DLGAP2: variants seen among roughly 807,000 people sequenced by gnomAD.
The protein encoded by DLGAP2 is DLG associated protein 2, also known as disks large-associated protein 2.
A neutral mutation model predicts 100.3 loss-of-function variants in DLGAP2; 26 were observed. The observed-to-expected ratio is 0.26, with a 90% confidence interval of 0.19 to 0.36. The LOEUF (loss-of-function observed/expected upper bound fraction) is 0.36, where lower values mean the gene tolerates loss of function less well. Ranked by LOEUF, DLGAP2 falls within the 10% of genes least tolerant of loss-of-function variation. The probability of loss-of-function intolerance (pLI) is 1.00; values close to 1 mark genes in which losing one functional copy is unlikely to be tolerated. For synonymous variants in DLGAP2, 886 were observed against 630.1 expected, an observed-to-expected ratio of 1.41 and a Z score of -6.08; for missense variants, 1,858 against 1,453.2, an observed-to-expected ratio of 1.28 and a Z score of -4.53.
At chr8:746,720 A>G (rs959233305) in intron 1 of DLGAP2, among the ~76,000 whole-genome samples, 14 of 152,228 alleles carry the variant, frequency 9.2e-5, no homozygotes, top group African/African-American at 3.4e-4. Context: ...GCTGCATATA[A>G]TAGAAAGTCC....
chr8:1,478,328 G>C (rs1177459630), intron 3 of DLGAP2, among the ~76,000 whole-genome samples: 1 of 152,168 alleles, frequency 6.6e-6, no homozygotes, highest in Non-Finnish European at 1.5e-5. Context: ...CAGGCATGAA[G>C]GAACATGAGC....
intron 1 of DLGAP2, among the ~76,000 whole-genome samples, chr8:868,941 A>C (rs1338566962): frequency 6.6e-6 from 1 of 152,180 alleles, no homozygotes; most frequent in East Asian, 1.9e-4. Flanking sequence ...AATATGTGAC[A>C]ATTTAAAAAC....
intron 2 of DLGAP2, chr8:1,002,390 A>G (rs1434015049): frequency 2.0e-5 from 3 of 152,252 alleles, no homozygotes; most frequent in African/African-American, 7.2e-5. Flanking sequence ...TGTTTTCAAG[A>G]AATGAACAAT....
intron 8 of DLGAP2, among the ~76,000 whole-genome samples, chr8:1,655,891 C>T (rs1318865226): frequency 6.6e-6 from 1 of 152,218 alleles, no homozygotes; most frequent in Non-Finnish European, 1.5e-5. Flanking sequence ...CCAGCACAGC[C>T]GTCATGATGA....
At chr8:968,068 C>T (rs191036368) in intron 2 of DLGAP2, among the ~76,000 whole-genome samples, 2 of 151,632 alleles carry the variant, frequency 1.3e-5, no homozygotes, top group African/African-American at 4.8e-5. Flanking sequence ...TGTTATTCAC[C>T]TGTCTTCCCA....
chr8:1,382,523 C>T (rs551330004), intron 3 of DLGAP2, among the ~76,000 whole-genome samples: 13 of 152,300 alleles, frequency 8.5e-5, no homozygotes, highest in African/African-American at 3.1e-4. Flanking sequence ...ATTGCTTGAG[C>T]CCAGGAGTTT....
chr8:1,026,944 G>A (rs1260307950), intron 2 of DLGAP2, among the ~76,000 whole-genome samples: 1 of 152,176 alleles, frequency 6.6e-6, no homozygotes, highest in Non-Finnish European at 1.5e-5. Flanking sequence ...AGATATGCCT[G>A]TTCTATAAAT....
chr8:1,433,771 G>A (rs936564045), intron 3 of DLGAP2, among the ~76,000 whole-genome samples: 4 of 128,204 alleles, frequency 3.1e-5, no homozygotes, highest in African/African-American at 2.9e-5. Flanking sequence ...GGAGAGTTCA[G>A]ATATTGTGTT....
chr8:1,499,596 C>T (rs1187873445), intron 3 of DLGAP2, among the ~76,000 whole-genome samples: 2 of 152,170 alleles, frequency 1.3e-5, no homozygotes. Flanking sequence ...AGCTGAAAAA[C>T]GCAGCTTAAA....
intron 3 of DLGAP2, among the ~76,000 whole-genome samples, chr8:1,441,669 C>CATA (rs1244622610): frequency 7.9e-6 from 1 of 126,318 alleles, no homozygotes; most frequent in African/African-American, 3.1e-5. Context: ...GCCTGGGCAA[C>CATA]ATAGACTCCA....
intron 1 of DLGAP2, among the ~76,000 whole-genome samples, chr8:894,104 C>T (rs1798092064): frequency 6.6e-6 from 1 of 152,208 alleles, no homozygotes; most frequent in South Asian, 2.1e-4. Flanking sequence ...CCTCTCGGAG[C>T]AGTGTGCGTC....
At chr8:1,291,928 A>G (rs1800068838) in intron 3 of DLGAP2, among the ~76,000 whole-genome samples, 1 of 152,190 alleles carries the variant, frequency 6.6e-6, no homozygotes, top group Non-Finnish European at 1.5e-5. Flanking sequence ...GTTCACTCTC[A>G]AAAGACTCTT....
intron 2 of DLGAP2, among the ~76,000 whole-genome samples, chr8:1,254,630 G>A (rs535356499): frequency 3.9e-5 from 6 of 152,226 alleles, no homozygotes; most frequent in Middle Eastern, 6.8e-3. Context: ...TCAGAGCTTC[G>A]TGCTCTCATT....
intron 10 of DLGAP2, among the ~76,000 whole-genome samples, chr8:1,671,920 G>A (rs1798699904): frequency 1.3e-5 from 2 of 152,264 alleles, no homozygotes; most frequent in Non-Finnish European, 2.9e-5. Flanking sequence ...GGGCATGGCT[G>A]AGCTACCTCG....
chr8:1,078,165 C>T (rs7841641), intron 2 of DLGAP2, among the ~76,000 whole-genome samples: 2,722 of 152,278 alleles, frequency 0.018, 89 homozygotes, highest in African/African-American at 0.061. Context: ...CCTCCAGAGA[C>T]GCTCTCCTGG....
intron 1 of DLGAP2, among the ~76,000 whole-genome samples, chr8:829,764 G>A (rs2067957): frequency 3.0e-4 from 46 of 152,216 alleles, no homozygotes; most frequent in African/African-American, 1.1e-3. Flanking sequence ...TCACATATAG[G>A]TTCATAATTT....
intron 2 of DLGAP2, among the ~76,000 whole-genome samples, chr8:987,909 T>A (rs1392316970): frequency 6.6e-6 from 1 of 152,220 alleles, no homozygotes; most frequent in Non-Finnish European, 1.5e-5. Flanking sequence ...GTTTTACATA[T>A]GTGGTCAGCA....
chr8:1,463,875 T>A (rs1453388201), intron 3 of DLGAP2, among the ~76,000 whole-genome samples: 2 of 152,200 alleles, frequency 1.3e-5, no homozygotes, highest in African/African-American at 4.8e-5. Flanking sequence ...TTTCTTTCCA[T>A]CTTGTGACCT....
intron 2 of DLGAP2, among the ~76,000 whole-genome samples, chr8:1,123,128 C>T (rs62486827): frequency 3.3e-5 from 5 of 152,290 alleles, no homozygotes; most frequent in Admixed American, 1.3e-4. Context: ...GAATAAGTTT[C>T]GCTCAGAAGC....
Sources: allele counts gnomAD v4.1 joint callset (sites outside exome capture counted in the v4.1 genomes callset), GRCh38; gene constraint gnomAD v4.1.1; transcripts MANE v1.5; gene names NCBI Gene and HGNC (gene_info 2026-07-23, HGNC 2026-07-21).